SNAP91: variants seen among roughly 807,000 people sequenced by gnomAD.
SNAP91 encodes synaptosome associated protein 91.
In SNAP91, 27 loss-of-function variants were observed where a neutral mutation model predicts 100.3. The ratio of observed to expected loss-of-function variants is 0.27; its 90% CI spans 0.20 to 0.37. The LOEUF (loss-of-function observed/expected upper bound fraction) is 0.37. SNAP91 is among the 10% of genes least tolerant of loss of function. The pLI, the probability that SNAP91 is intolerant of heterozygous loss-of-function variation, is 1.00. For missense variants in SNAP91, 986 were observed against 1,123.7 expected (o/e 0.88, Z 1.75); for synonymous variants, 404 against 398.6 (o/e 1.01, Z -0.16).
At position 83,707,861 on chromosome 6, in the gene SNAP91, C is replaced by T; in HGVS notation, c.67G>A (p.Ala23Thr). The T allele has an allele frequency of 6.2e-7, 1 of 1,612,802 alleles. No homozygotes were observed. The highest frequency in any genetic ancestry group is 8.5e-7 in the Non-Finnish European group (1 of 1,179,448). Residue 23 changes from alanine to threonine, a missense_variant, in exon 2 of 30, where the codon GCA becomes ACA. Around this residue, in one of 4 missense-constraint regions of SNAP91, gnomAD observed 330 missense variants for 447.5 expected, o/e 0.74. Transcript: ENST00000369694. The stretch of plus-strand genomic sequence containing the variant: ...GTAGTGGCTTTGCAGACCGCTCTTG[C>T]TACAGCAGAGCCTGTAACGCTGTAC... ...AQYSVTGSAV[A>T]RAVCKATTHE...
At chr6:83,668,890 CCCACTGTGAGTTGAAAAT>C (rs1268091286) in intron 2 of SNAP91, among the ~76,000 whole-genome samples, 1 of 152,004 alleles carries the variant, frequency 6.6e-6, no homozygotes, top group East Asian at 1.9e-4. Context: ...ATCTTATACA[CCCACTGTGAGTTGAAAAT>C]ATTATTAAGT....
intron 11 of SNAP91, 48 bp downstream of exon 11, chr6:83,614,809 T>G: frequency 6.8e-7 from 1 of 1,469,218 alleles, no homozygotes; most frequent in South Asian, 1.3e-5. Context: ...GTTTTTTGCA[T>G]TTTTAGTAAT....
At chr6:83,639,514 C>T (rs1486612003) in intron 8 of SNAP91, among the ~76,000 whole-genome samples, 2 of 151,988 alleles carry the variant, frequency 1.3e-5, no homozygotes, top group African/African-American at 4.8e-5. Context: ...AATTTATTAT[C>T]CAGTTATTTA....
chr6:83,558,593 G>T (rs1400301779), intron 28 of SNAP91, among the ~76,000 whole-genome samples: 2 of 152,180 alleles, frequency 1.3e-5, no homozygotes, highest in African/African-American at 4.8e-5. Flanking sequence ...TTGGGAACAG[G>T]TCAATGGATT....
At chr6:83,655,965 A>G (rs1230740870) in intron 7 of SNAP91, among the ~76,000 whole-genome samples, 1 of 152,246 alleles carries the variant, frequency 6.6e-6, no homozygotes, top group Admixed American at 6.5e-5. Flanking sequence ...GCTGAATAAT[A>G]TCCCCACAAA....
chr6:83,699,762 A>G (rs2099268267), intron 2 of SNAP91, among the ~76,000 whole-genome samples: 1 of 152,200 alleles, frequency 6.6e-6, no homozygotes, highest in Admixed American at 6.5e-5. Flanking sequence ...GACAAGACAA[A>G]CAGAAGATTT....
In SNAP91 at chr6:83,592,305, T is replaced by C. The variant is rs928924981; in HGVS notation, c.1930+150A>G. 5.9e-6 allele frequency: 3 copies of C among 510,284 alleles called. No individual in the cohort carries two copies. The East Asian group carries it at 9.1e-5, about 15-fold the overall frequency. The allele number at this position is 510,284 out of a possible 1,614,324, so 31.6% of individuals were successfully genotyped here. On this transcript the variant is annotated intron_variant, in intron 21 of 29. Coordinates refer to ENST00000369694, the MANE Select transcript of SNAP91 (RefSeq NM_001242792.2). Reference sequence around the variant, plus strand: ...GATGAAGATGATGATGACGAAGAAATGAAAATGATCTTAAAAACTTAAGTT... The same window carrying C: ...GATGAAGATGATGATGACGAAGAAACGAAAATGATCTTAAAAACTTAAGTT...
chr6:83,580,689 G>T, intron 23 of SNAP91, 90 bp from the exon 24 acceptor site: 2 of 1,178,566 alleles, frequency 1.7e-6, no homozygotes, highest in Non-Finnish European at 2.3e-6. Flanking sequence ...TGATACTATG[G>T]AAACAAGTGA....
chr6:83,593,566 A>C lies in SNAP91; in HGVS notation c.1608T>G (p.Thr536=). 1 of 1,555,610 alleles carries C rather than the reference A, an allele frequency of 6.4e-7. No homozygotes were observed. The highest frequency in any genetic ancestry group is 8.7e-7 in the Non-Finnish European group (1 of 1,148,398). ...TGGTGGCAGCGGCGGTGGCAGCAGT[A>C]GTGGCAGCAGCAGCAGCTGCAACGG... ...APAVAAAAAA[T]TAATAAATTT... The change falls in exon 18 of 30, where the codon ACT becomes ACG. Residue 536 remains threonine, a synonymous_variant. Transcript: ENST00000369694.
intron 7 of SNAP91, among the ~76,000 whole-genome samples, chr6:83,654,845 A>C (rs1398212426): frequency 6.6e-6 from 1 of 152,174 alleles, no homozygotes; most frequent in African/African-American, 2.4e-5. Flanking sequence ...TACCAGAAGA[A>C]AATCAATGTA....
chr6:83,633,839 C>A (rs73486915), intron 8 of SNAP91, among the ~76,000 whole-genome samples: 4,310 of 152,126 alleles, frequency 0.028, 76 homozygotes, highest in East Asian at 0.058. Flanking sequence ...TTTTCTTCTT[C>A]CCCTGCCTGT....
At chr6:83,701,177 T>C (rs1013311367) in intron 2 of SNAP91, among the ~76,000 whole-genome samples, 1 of 152,120 alleles carries the variant, frequency 6.6e-6, no homozygotes, top group Non-Finnish European at 1.5e-5. Context: ...AAAGCTATTA[T>C]CAAGATAATA....
In SNAP91 at chr6:83,580,334, C is replaced by T. The variant is rs1049135882; in HGVS notation, c.2299+116G>A. The T allele has an allele frequency of 1.3e-5, 14 of 1,069,630 alleles. No individual in the cohort carries two copies. The East Asian group carries it at 3.1e-4, about 24-fold the overall frequency. 66.3% of individuals were successfully genotyped at this position (1,069,630 alleles called of 1,614,324 possible). On this transcript the variant is annotated intron_variant, in intron 24 of 29. Coordinates refer to ENST00000369694, the MANE Select transcript of SNAP91 (RefSeq NM_001242792.2). ...TTCTATTCCCTCCCTGCCATACTCA[C>T]CCATAAGAGAGTCCAGAAACAAAAC...
rs1271079973 is a variant in SNAP91 at position 83,556,266 on chromosome 6, C to A, written c.2632-21G>T. On this transcript the variant is annotated intron_variant, in intron 28 of 29. Coordinates refer to ENST00000369694, the MANE Select transcript of SNAP91 (RefSeq NM_001242792.2). Reference sequence around the variant, plus strand: ...GAAAGCTAATGGGAAAAAGCCAGCCCCAAAGAGCAGGAATAGAAAGCAGAG... The same window carrying A: ...GAAAGCTAATGGGAAAAAGCCAGCCACAAAGAGCAGGAATAGAAAGCAGAG... 2.2e-6 allele frequency: 3 copies of A among 1,383,638 alleles called. No individual in the cohort carries two copies. In the South Asian group the frequency reaches 3.8e-5, roughly 17 times the overall value. The allele number at this position is 1,383,638 out of a possible 1,614,324, so 85.7% of individuals were successfully genotyped here.
Position 83,582,365 on chromosome 6 carries a change from A to C in SNAP91, c.2015-9T>G. On this transcript the variant is annotated splice_polypyrimidine_tract_variant and intron_variant, in intron 22 of 29. Coordinates refer to ENST00000369694, the MANE Select transcript of SNAP91 (RefSeq NM_001242792.2). The stretch of plus-strand genomic sequence containing the variant: ...GAAAGAACCCCCAAATCCTGAAAAA[A>C]AGTTCCAAAAAAACAAGCAGAAATA... The C allele has an allele frequency of 6.2e-7, 1 of 1,609,550 alleles. No individual in the cohort carries two copies.
chr6:83,644,185 C>A (rs1246132026), intron 7 of SNAP91, among the ~76,000 whole-genome samples: 1 of 152,116 alleles, frequency 6.6e-6, no homozygotes, highest in East Asian at 1.9e-4. Flanking sequence ...CCTTTTAGAA[C>A]CAGTGACCAA....
chr6:83,553,595 A>T lies in SNAP91; in HGVS notation c.*701T>A, dbSNP rs1336357146. 1.3e-5 allele frequency: 2 copies of T among 152,032 alleles called. No homozygotes were observed. Among genetic ancestry groups the T allele is most frequent in the African/African-American group, 4.8e-5 (2 of 41,412 alleles). The allele number at this position is 152,032 out of a possible 1,614,324, so 9.4% of individuals were successfully genotyped here. On this transcript the variant is annotated 3_prime_UTR_variant, in exon 30 of 30. Coordinates refer to ENST00000369694, the MANE Select transcript of SNAP91 (RefSeq NM_001242792.2). ...CCTGTCAAATATAATTAAAATATAT[A>T]TATTTTAATATAGCAGTGATAAATA...
At chr6:83,646,774 T>C (rs1554291699) in intron 7 of SNAP91, among the ~76,000 whole-genome samples, 1 of 152,182 alleles carries the variant, frequency 6.6e-6, no homozygotes, top group Non-Finnish European at 1.5e-5. Flanking sequence ...ATAGATCATG[T>C]TGGAAAGAAC....
intron 2 of SNAP91, among the ~76,000 whole-genome samples, chr6:83,677,466 T>A (rs560340019): frequency 7.2e-5 from 11 of 152,276 alleles, no homozygotes; most frequent in Admixed American, 5.2e-4. Flanking sequence ...ACCATGTGCA[T>A]GAGTCTGAAA....
Sources: gnomAD v4.1 joint callset for allele counts (sites outside exome capture counted in the v4.1 genomes callset) on GRCh38, gnomAD v4.1.1 for gene constraint, gnomAD v4.1.1 regional missense constraint, MANE v1.5 for transcripts, NCBI Gene and HGNC (gene_info 2026-07-23, HGNC 2026-07-21) for gene names.